PEX7: variants seen among roughly 807,000 people sequenced by gnomAD.
PEX7 encodes peroxisomal biogenesis factor 7.
PEX7 carries 34 observed loss-of-function variants against 47.5 expected under a neutral mutation model. The ratio of observed to expected loss-of-function variants is 0.72; its 90% CI spans 0.54 to 0.95. The LOEUF is 0.95. Among genes scored for constraint, PEX7 ranks in the 40% least tolerant of loss-of-function variants. PEX7 has a pLI of 0.00. For missense variants in PEX7, 394 were observed against 400.3 expected (o/e 0.98, Z 0.13); for synonymous variants, 141 against 148.8 (o/e 0.95, Z 0.38).
chr6:136,837,812 C>CCA (rs34680868), intron 3 of PEX7, among the ~76,000 whole-genome samples: 16,176 of 146,654 alleles, frequency 0.11, 919 homozygotes, highest in African/African-American at 0.16. Flanking sequence ...AATTTAAACG[C>CCA]CACACACACA....
intron 8 of PEX7, among the ~76,000 whole-genome samples, chr6:136,882,643 A>G (rs999292860): frequency 7.9e-5 from 12 of 152,090 alleles, no homozygotes; most frequent in African/African-American, 2.9e-4. Context: ...GTACCTCTTC[A>G]TTCCTCCTGT....
At chr6:136,892,167 CA>C (rs1775567036) in intron 8 of PEX7, among the ~76,000 whole-genome samples, 1 of 152,116 alleles carries the variant, frequency 6.6e-6, no homozygotes, top group African/African-American at 2.4e-5. Flanking sequence ...CATGGTAGTT[CA>C]GATGTATTCT....
At chr6:136,882,587 A>T (rs1775396701) in intron 8 of PEX7, among the ~76,000 whole-genome samples, 1 of 152,062 alleles carries the variant, frequency 6.6e-6, no homozygotes, top group African/African-American at 2.4e-5. Context: ...CTCAAGCACA[A>T]ATTATCTTAA....
At chr6:136,872,171 GTTTT>G (rs373023744) in intron 7 of PEX7, 23 bp from the exon 8 acceptor site, 1 of 1,394,346 alleles carries the variant, frequency 7.2e-7, no homozygotes, top group Non-Finnish European at 9.8e-7. Context: ...TTCAAAAAGG[GTTTT>G]TTTTTTCTTT....
intron 8 of PEX7, among the ~76,000 whole-genome samples, chr6:136,893,627 T>C (rs1421686022): frequency 6.6e-6 from 1 of 152,252 alleles, no homozygotes; most frequent in East Asian, 1.9e-4. Flanking sequence ...AGTTGTTGAA[T>C]GAATAACTAA....
intron 3 of PEX7, among the ~76,000 whole-genome samples, chr6:136,827,533 TGTGTGTGTG>T (rs1774217165): frequency 6.6e-6 from 1 of 151,482 alleles, no homozygotes. Flanking sequence ...TGTGTGTGTG[TGTGTGTGTG>T]TGTGTGTCAG....
chr6:136,824,198 TTC>T (rs766121111), intron 1 of PEX7, among the ~76,000 whole-genome samples: 2 of 152,150 alleles, frequency 1.3e-5, no homozygotes, highest in Non-Finnish European at 2.9e-5. Context: ...TTTTCTTTTT[TTC>T]TTTTTTCTTT....
Position 136,870,006 on chromosome 6 carries a change from A to C in PEX7, c.747+3A>C. 6.5e-7 allele frequency: 1 copy of C among 1,543,780 alleles called. No homozygotes were observed. The highest frequency in any genetic ancestry group is 9.0e-7 in the Non-Finnish European group (1 of 1,116,792). On this transcript the variant is annotated splice_donor_region_variant and intron_variant, in intron 7 of 9. Transcript: ENST00000318471. ...CCTATGCTATTAGGAGGGTGAAAGTAAGTTTTCATCTTTTCTTTTATATGT... is the reference window on the plus strand; with the variant it reads ...CCTATGCTATTAGGAGGGTGAAAGTCAGTTTTCATCTTTTCTTTTATATGT...
intron 5 of PEX7, among the ~76,000 whole-genome samples, chr6:136,861,456 A>G (rs1310205316): frequency 2.0e-5 from 3 of 152,222 alleles, no homozygotes; most frequent in Non-Finnish European, 4.4e-5. Flanking sequence ...ATCTTGAGAC[A>G]ATGCTATAGC....
rs995811231 is a variant in PEX7 at position 136,900,599 on chromosome 6, C to A, written c.903+2358C>A. On this transcript the variant is annotated intron_variant, in intron 9 of 9. Transcript: ENST00000318471. The surrounding 1 kb of genome is among the most constrained non-coding windows in gnomAD (Gnocchi z 4.2). ...ATGGTGGTGTGGGTCATCCTGTGAA[C>A]CAGTCTTGCCTTTCCCTTGACAGCG... is the stretch of plus-strand genomic sequence containing the variant. 3.3e-5 allele frequency: 12 copies of A among 364,600 alleles called. No homozygotes were observed. The highest frequency in any genetic ancestry group is 2.6e-4 in the South Asian group (12 of 46,018). The allele number at this position is 364,600 out of a possible 1,614,324, so 22.6% of individuals were successfully genotyped here. A position where few individuals can be genotyped will look rare whatever the true frequency, so the allele number is the denominator to read the frequency against.
intron 9 of PEX7, among the ~76,000 whole-genome samples, chr6:136,905,336 G>A (rs1051510021): frequency 1.1e-4 from 16 of 152,018 alleles, no homozygotes; most frequent in African/African-American, 3.9e-4. Flanking sequence ...GCTCTATGGG[G>A]CTTACCCCAC....
intron 8 of PEX7, among the ~76,000 whole-genome samples, chr6:136,896,554 T>C (rs1175682947): frequency 1.3e-5 from 2 of 152,176 alleles, no homozygotes; most frequent in East Asian, 3.9e-4. Flanking sequence ...CATTTGGGTC[T>C]TGATTGTCTC....
At chr6:136,861,512 T>C (rs1774963366) in intron 5 of PEX7, among the ~76,000 whole-genome samples, 1 of 152,204 alleles carries the variant, frequency 6.6e-6, no homozygotes, top group Non-Finnish European at 1.5e-5. Context: ...TATAAATTCC[T>C]GAAAGTTAGT....
At chr6:136,857,996 G>T (rs1582752147) in intron 5 of PEX7, among the ~76,000 whole-genome samples, 1 of 152,058 alleles carries the variant, frequency 6.6e-6, no homozygotes, top group South Asian at 2.1e-4. Context: ...TTGTATTTTT[G>T]GTAGAGACAG....
chr6:136,833,081 C>T (rs1448372925), intron 3 of PEX7, among the ~76,000 whole-genome samples: 1 of 152,038 alleles, frequency 6.6e-6, no homozygotes, highest in Non-Finnish European at 1.5e-5. Context: ...TATATTAGTC[C>T]TTTTTCACAC....
intron 3 of PEX7, among the ~76,000 whole-genome samples, chr6:136,832,654 T>A (rs567980994): frequency 6.6e-6 from 1 of 152,214 alleles, no homozygotes; most frequent in African/African-American, 2.4e-5. Flanking sequence ...GACTATACAC[T>A]TTTAGAAACA....
rs188574542 is a variant in PEX7, at chr6:136,841,396, G to A, written c.340-4219G>A. Reference sequence around the variant, plus strand: ...TTATCTTGCAGTGTTCACTACCCCCGATCCCTAGGGTGCTGTATATTCCCA... The same window carrying A: ...TTATCTTGCAGTGTTCACTACCCCCAATCCCTAGGGTGCTGTATATTCCCA... On this transcript the variant is annotated intron_variant, in intron 3 of 9. Transcript: ENST00000318471. 2.1e-4 allele frequency among the ~76,000 whole-genome samples: 32 copies of A among 152,186 alleles called. 1 individual carries two copies. Among genetic ancestry groups the A allele is most frequent in the Non-Finnish European group, 4.6e-4 (31 of 67,990 alleles).
intron 5 of PEX7, among the ~76,000 whole-genome samples, chr6:136,857,763 G>C: frequency 6.6e-6 from 1 of 152,200 alleles, no homozygotes; most frequent in East Asian, 1.9e-4. Context: ...AGGATTAAGT[G>C]GCTAATGTGC....
At chr6:136,885,056 G>T (rs1396403942) in intron 8 of PEX7, among the ~76,000 whole-genome samples, 1 of 152,170 alleles carries the variant, frequency 6.6e-6, no homozygotes, top group African/African-American at 2.4e-5. Flanking sequence ...TATTTGAGTT[G>T]TAAATGCTTG....
Sources: gnomAD v4.1 joint callset for allele counts (sites outside exome capture counted in the v4.1 genomes callset) on GRCh38, gnomAD v4.1.1 for gene constraint, Gnocchi (gnomAD v3.1) non-coding constraint, MANE v1.5 for transcripts, NCBI Gene and HGNC (gene_info 2026-07-23, HGNC 2026-07-21) for gene names.